The following TOPAZ1 variants were observed in gnomAD, a reference collection of about 807,000 sequenced individuals.
The protein encoded by TOPAZ1 is protein TOPAZ1.
Under a neutral mutation model 172.2 loss-of-function variants are expected in TOPAZ1, and 66 were observed. The ratio of observed to expected loss-of-function variants is 0.38; its 90% CI spans 0.31 to 0.47. TOPAZ1 has a LOEUF of 0.47. TOPAZ1 is among the 20% of genes least tolerant of loss of function. The pLI, the probability that TOPAZ1 is intolerant of heterozygous loss-of-function variation, is 0.99. For missense variants in TOPAZ1, 1,822 were observed against 1,972.4 expected, an observed-to-expected ratio of 0.92 and a Z score of 1.44; for synonymous variants, 681 against 683.9, an observed-to-expected ratio of 1.00 and a Z score of 0.07.
chr3:44,257,657 A>G (rs1322300661), intron 4 of TOPAZ1, among the ~76,000 whole-genome samples: 1 of 151,772 alleles, frequency 6.6e-6, no homozygotes, highest in Non-Finnish European at 1.5e-5. Context: ...TTATTTTGAA[A>G]TAGAGATTCA....
intron 16 of TOPAZ1, among the ~76,000 whole-genome samples, chr3:44,320,722 G>A (rs1700498900): frequency 6.6e-6 from 1 of 152,272 alleles, no homozygotes; most frequent in Middle Eastern, 3.4e-3. Flanking sequence ...GCAAATATTT[G>A]TGATAATCTG....
At position 44,299,102 on chromosome 3, in the gene TOPAZ1, T is replaced by C. The variant is rs543507401; in HGVS notation, c.3798-4913T>C. The stretch of plus-strand genomic sequence containing the variant: ...CATGCCTGGCTGATTTTTGTATTTT[T>C]AGTAGAGACTGGGTTTCACCATGTT... On this transcript the variant is annotated intron_variant, in intron 12 of 19. Coordinates refer to ENST00000309765, the MANE Select transcript of TOPAZ1 (RefSeq NM_001145030.2). Among the ~76,000 whole-genome samples the C allele has an allele frequency of 4.7e-5, 7 of 150,368 alleles. No homozygotes were observed. In the South Asian group the frequency reaches 1.5e-3, roughly 32 times the overall value.
intron 16 of TOPAZ1, among the ~76,000 whole-genome samples, chr3:44,315,981 T>C (rs1212735943): frequency 6.6e-6 from 1 of 151,986 alleles, no homozygotes; most frequent in Admixed American, 6.6e-5. Flanking sequence ...ATGCCTGTAA[T>C]CCCAGCACTT....
At chr3:44,307,225 T>G (rs1700346271) in intron 15 of TOPAZ1, among the ~76,000 whole-genome samples, 1 of 152,088 alleles carries the variant, frequency 6.6e-6, no homozygotes, top group Non-Finnish European at 1.5e-5. Flanking sequence ...TTTCTCCATG[T>G]TGGTCAGGCT....
rs140207515 is a variant in TOPAZ1 at position 44,324,316 on chromosome 3, G to T, written c.4675+1021G>T. 1.3e-3 allele frequency among the ~76,000 whole-genome samples: 200 copies of T among 152,242 alleles called. 2 individuals carry two copies. Among genetic ancestry groups the T allele is most frequent in the African/African-American group, 4.5e-3 (189 of 41,560 alleles). ...AGGGTGATCAGAAATTTAGAGGAAAGATAGAATTGTTTGTTCATAACACCT... is the reference window on the plus strand; with the variant it reads ...AGGGTGATCAGAAATTTAGAGGAAATATAGAATTGTTTGTTCATAACACCT... On this transcript the variant is annotated intron_variant, in intron 18 of 19. Transcript: ENST00000309765.
At chr3:44,300,438 GA>G (rs1700259148) in intron 12 of TOPAZ1, among the ~76,000 whole-genome samples, 1 of 138,098 alleles carries the variant, frequency 7.2e-6, no homozygotes, top group African/African-American at 2.6e-5. Context: ...AAAAAAGAAA[GA>G]AAAGAAAATG....
At chr3:44,254,837 A>G in intron 2 of TOPAZ1, 131 bp from the exon 3 acceptor site, 1 of 553,756 alleles carries the variant, frequency 1.8e-6, no homozygotes. Flanking sequence ...TCATTATAGT[A>G]AGTACTCTGC....
At chr3:44,305,051 A>C in intron 13 of TOPAZ1, 96 bp from the exon 14 acceptor site, 1 of 854,182 alleles carries the variant, frequency 1.2e-6, no homozygotes, top group Non-Finnish European at 1.8e-6. Flanking sequence ...ATGTATATCT[A>C]ATGCCTAAAC....
In TOPAZ1 at chr3:44,266,405, T is replaced by C. The variant is rs533131669; in HGVS notation, c.3021-592T>C. On this transcript the variant is annotated intron_variant, in intron 5 of 19. Coordinates refer to ENST00000309765, the MANE Select transcript of TOPAZ1 (RefSeq NM_001145030.2). ...ACTATTTGGTACAAGAAGCCTACCT[T>C]TTGGCCTGTCTTATCCGTCAACATG... Among the ~76,000 whole-genome samples the C allele has an allele frequency of 2.6e-4, 40 of 152,360 alleles. 2 individuals are homozygous for C. In the South Asian group the frequency reaches 8.1e-3, roughly 31 times the overall value.
intron 5 of TOPAZ1, among the ~76,000 whole-genome samples, chr3:44,266,490 C>A (rs999912062): frequency 2.0e-5 from 3 of 152,240 alleles, no homozygotes; most frequent in African/African-American, 7.2e-5. Flanking sequence ...ATGTGATACT[C>A]CTCCTTTCAC....
intron 4 of TOPAZ1, among the ~76,000 whole-genome samples, chr3:44,261,027 A>G (rs937624983): frequency 1.3e-5 from 2 of 151,972 alleles, no homozygotes; most frequent in African/African-American, 2.4e-5. Flanking sequence ...CATACTGTCA[A>G]TTTTTTGAAA....
At chr3:44,259,845 T>C (rs1575709216) in intron 4 of TOPAZ1, among the ~76,000 whole-genome samples, 1 of 152,212 alleles carries the variant, frequency 6.6e-6, no homozygotes, top group African/African-American at 2.4e-5. Flanking sequence ...AGAAGCCATT[T>C]ATATTGTTTT....
At chr3:44,257,502 G>A (rs1489258901) in intron 4 of TOPAZ1, among the ~76,000 whole-genome samples, 1 of 146,266 alleles carries the variant, frequency 6.8e-6, no homozygotes, top group Admixed American at 6.9e-5. Flanking sequence ...GTGTGTGTGT[G>A]TGTGTGTGAA....
intron 4 of TOPAZ1, among the ~76,000 whole-genome samples, chr3:44,259,644 G>T (rs1178611210): frequency 6.6e-6 from 1 of 152,160 alleles, no homozygotes; most frequent in Non-Finnish European, 1.5e-5. Flanking sequence ...TTAATTCCTA[G>T]AAGTGGAGTT....
At chr3:44,305,022 G>A (rs778087295) in intron 13 of TOPAZ1, 125 bp from the exon 14 acceptor site, 6 of 659,786 alleles carry the variant, frequency 9.1e-6, no homozygotes, top group Non-Finnish European at 1.5e-5. Context: ...AAGATGTGCA[G>A]ATTTTGTCTT....
intron 19 of TOPAZ1, 114 bp downstream of exon 19, chr3:44,328,547 A>T (rs1396593904): frequency 4.1e-6 from 2 of 487,672 alleles, no homozygotes; most frequent in Non-Finnish European, 6.8e-6. Flanking sequence ...TTATGTATAT[A>T]TTTATATATG....
chr3:44,304,998 G>C, intron 13 of TOPAZ1, 149 bp from the exon 14 acceptor site: 1 of 562,946 alleles, frequency 1.8e-6, no homozygotes, highest in South Asian at 2.7e-5. Context: ...TGTGATACTT[G>C]TTGGTAAGCT....
intron 8 of TOPAZ1, among the ~76,000 whole-genome samples, chr3:44,276,808 T>G (rs1699965932): frequency 6.6e-6 from 1 of 151,910 alleles, no homozygotes; most frequent in South Asian, 2.1e-4. Flanking sequence ...TTTGGTTTTT[T>G]TTAGACGGAG....
At chr3:44,336,159 AT>A (rs1238493076), downstream of TOPAZ1, among the ~76,000 whole-genome samples, 1 of 152,214 alleles carries the variant, frequency 6.6e-6, no homozygotes, top group Non-Finnish European at 1.5e-5. Flanking sequence ...ACTGAAGTAG[AT>A]TGCTATCTGG....
Sources: allele counts gnomAD v4.1 joint callset (sites outside exome capture counted in the v4.1 genomes callset), GRCh38; gene constraint gnomAD v4.1.1; transcripts MANE v1.5; gene names NCBI Gene and HGNC (gene_info 2026-07-23, HGNC 2026-07-21).